Variants in TRHDE observed in about 807,000 individuals in gnomAD.
TRHDE encodes thyrotropin-releasing hormone-degrading ectoenzyme.
A neutral mutation model predicts 125.7 loss-of-function variants in TRHDE; 72 were observed. The observed-to-expected ratio is 0.57, with a 90% CI of 0.47 to 0.70. TRHDE has a LOEUF of 0.70. TRHDE is among the 30% of genes least tolerant of loss of function. TRHDE has a pLI of 0.00. For synonymous variants in TRHDE, 509 were observed against 509.1 expected, an observed-to-expected ratio of 1.00 and a Z score of 0.00; for missense variants, 1,110 against 1,327.1, an observed-to-expected ratio of 0.84 and a Z score of 2.54.
intron 3 of TRHDE, among the ~76,000 whole-genome samples, chr12:72,435,663 GT>G (rs1874709631): frequency 6.9e-6 from 1 of 144,240 alleles, no homozygotes; most frequent in African/African-American, 2.6e-5. Context: ...TTTTGTCAGA[GT>G]TTTTTCTATC....
chr12:72,245,235 TTGTGTGTATGTGTGTG>T (rs939086863), intron 2 of TRHDE, among the ~76,000 whole-genome samples: 3 of 141,956 alleles, frequency 2.1e-5, no homozygotes, highest in African/African-American at 8.6e-5. Context: ...ATATCTATGT[TTGTGTGTATGTGTGTG>T]TGTGTGTGTG....
intron 7 of TRHDE, among the ~76,000 whole-genome samples, chr12:72,555,388 T>G (rs950014721): frequency 8.5e-5 from 13 of 152,156 alleles, no homozygotes; most frequent in African/African-American, 2.9e-4. Flanking sequence ...TGGCTTGAAC[T>G]GCTATACCTC....
intron 6 of TRHDE, among the ~76,000 whole-genome samples, chr12:72,505,737 C>A (rs1340075399): frequency 6.6e-6 from 1 of 152,178 alleles, no homozygotes; most frequent in African/African-American, 2.4e-5. Flanking sequence ...AGAAATTTAA[C>A]TTGCTGCGCT....
At chr12:72,635,450 G>C (rs1335512316) in intron 15 of TRHDE, among the ~76,000 whole-genome samples, 1 of 152,032 alleles carries the variant, frequency 6.6e-6, no homozygotes, top group Non-Finnish European at 1.5e-5. Flanking sequence ...CATTCTGTAG[G>C]TTGCCTGTTC....
chr12:72,127,562 C>T (rs756446672), intron 2 of TRHDE, among the ~76,000 whole-genome samples: 36 of 152,090 alleles, frequency 2.4e-4, no homozygotes, highest in Non-Finnish European at 3.1e-4. Context: ...GAGGCATTAT[C>T]CTGAGCAAAT....
chr12:72,435,640 A>ATTTTTT (rs1246330658), intron 3 of TRHDE, among the ~76,000 whole-genome samples: 1 of 139,070 alleles, frequency 7.2e-6, no homozygotes, highest in Non-Finnish European at 1.6e-5. Flanking sequence ...CCAGGCTGGG[A>ATTTTTT]TTTTTTTTTT....
At chr12:72,502,231 A>G (rs1173030135) in intron 6 of TRHDE, among the ~76,000 whole-genome samples, 2 of 151,928 alleles carry the variant, frequency 1.3e-5, no homozygotes, top group African/African-American at 4.8e-5. Context: ...CTACTTTCCT[A>G]AGGTAGAAGC....
At chr12:72,621,391 G>A (rs930782151) in intron 14 of TRHDE, 186 bp downstream of exon 14, 10 of 584,186 alleles carry the variant, frequency 1.7e-5, no homozygotes, top group African/African-American at 1.3e-4. Flanking sequence ...GAACAAAGAC[G>A]TTTCCTTGCT....
intron 2 of TRHDE, among the ~76,000 whole-genome samples, chr12:72,152,881 G>A (rs1043112460): frequency 1.5e-4 from 23 of 152,254 alleles, no homozygotes; most frequent in African/African-American, 5.1e-4. Context: ...TCTCTGCCAG[G>A]CTTTGGTATC....
chr12:72,215,385 C>T (rs926497152), intron 2 of TRHDE, among the ~76,000 whole-genome samples: 1 of 152,160 alleles, frequency 6.6e-6, no homozygotes, highest in African/African-American at 2.4e-5. Flanking sequence ...TCAGTTACTT[C>T]AGGCCATCTG....
Position 72,539,832 on chromosome 12 carries a change from T to C in TRHDE, c.1723-2459T>C, listed in dbSNP as rs138961066. Among the ~76,000 whole-genome samples, 22 of 151,924 alleles carry C rather than the reference T, an allele frequency of 1.4e-4. No individual in the cohort carries two copies. The East Asian group carries it at 4.3e-3, about 29-fold the overall frequency. Reference sequence around the variant, plus strand: ...TTCTAGAGCAAGTCTCAAAAATTATTAAATCTTGCAGAAATAGTATGTCTA... The same window carrying C: ...TTCTAGAGCAAGTCTCAAAAATTATCAAATCTTGCAGAAATAGTATGTCTA... On this transcript the variant is annotated intron_variant, in intron 6 of 18. Coordinates refer to ENST00000261180, the MANE Select transcript of TRHDE (RefSeq NM_013381.3).
At chr12:72,113,167 A>G (rs1875359935) in intron 2 of TRHDE, among the ~76,000 whole-genome samples, 1 of 151,946 alleles carries the variant, frequency 6.6e-6, no homozygotes, top group South Asian at 2.1e-4. Flanking sequence ...ACAGGTGCAC[A>G]TCACCATACC....
At chr12:72,311,003 A>T (rs1868516698) in intron 2 of TRHDE, among the ~76,000 whole-genome samples, 1 of 152,132 alleles carries the variant, frequency 6.6e-6, no homozygotes, top group Admixed American at 6.6e-5. Flanking sequence ...TTTTTATTAA[A>T]GCCAGGTTAT....
intron 2 of TRHDE, among the ~76,000 whole-genome samples, chr12:72,238,333 T>TATATATATAC (rs1816632069): frequency 3.3e-5 from 1 of 30,484 alleles, no homozygotes; most frequent in African/African-American, 1.2e-4. Context: ...CATATATATA[T>TATATATATAC]ACACATTATA....
chr12:72,453,809 C>T (rs549130615), intron 3 of TRHDE, among the ~76,000 whole-genome samples: 4 of 152,238 alleles, frequency 2.6e-5, no homozygotes, highest in South Asian at 2.1e-4. Context: ...CAAAGGGGCC[C>T]GGGTACAGCT....
chr12:72,208,051 A>G (rs1877704254), intron 2 of TRHDE, among the ~76,000 whole-genome samples: 2 of 152,172 alleles, frequency 1.3e-5, no homozygotes, highest in South Asian at 4.1e-4. Flanking sequence ...CCCACATTTT[A>G]GCGCTTGGGC....
At chr12:72,414,579 A>G (rs1459904135) in intron 3 of TRHDE, among the ~76,000 whole-genome samples, 1 of 152,136 alleles carries the variant, frequency 6.6e-6, no homozygotes, top group East Asian at 1.9e-4. Context: ...AAAGTGACTT[A>G]ATTTGCAGTT....
chr12:72,295,005 A>G (rs1880233736), intron 2 of TRHDE, among the ~76,000 whole-genome samples: 1 of 151,722 alleles, frequency 6.6e-6, no homozygotes, highest in African/African-American at 2.4e-5. Flanking sequence ...GGGAGCAGGC[A>G]TTTCTGAGCC....
At chr12:72,519,458 C>T (rs1879061577) in intron 6 of TRHDE, among the ~76,000 whole-genome samples, 1 of 152,174 alleles carries the variant, frequency 6.6e-6, no homozygotes, top group African/African-American at 2.4e-5. Flanking sequence ...CTTCTGCATT[C>T]TTCACGTAGT....
Sources: gnomAD v4.1 joint callset for allele counts (sites outside exome capture counted in the v4.1 genomes callset) on GRCh38, gnomAD v4.1.1 for gene constraint, MANE v1.5 for transcripts, NCBI Gene and HGNC (gene_info 2026-07-23, HGNC 2026-07-21) for gene names.